Variants in KCNIP4 observed in about 807,000 individuals in gnomAD.
The protein encoded by KCNIP4 is Kv channel-interacting protein 4.
Under a neutral mutation model 34.0 loss-of-function variants are expected in KCNIP4, and 12 were observed. That is an observed-to-expected ratio of 0.35 (90% confidence interval 0.23 to 0.57). The LOEUF (loss-of-function observed/expected upper bound fraction) is 0.57, where lower values mean the gene tolerates loss of function less well. KCNIP4 is among the 20% of genes least tolerant of loss of function. The pLI is 0.83. For missense variants in KCNIP4, 238 were observed against 311.7 expected (o/e 0.76, Z 1.78); for synonymous variants, 124 against 102.2 (o/e 1.21, Z -1.29).
At chr4:21,353,542 AT>A (rs1718245009) in intron 1 of KCNIP4, among the ~76,000 whole-genome samples, 1 of 152,198 alleles carries the variant, frequency 6.6e-6, no homozygotes, top group Non-Finnish European at 1.5e-5. Flanking sequence ...GGAAGAAAGG[AT>A]ATCAGTGATT....
At chr4:21,349,544 T>C (rs1181724941) in intron 1 of KCNIP4, among the ~76,000 whole-genome samples, 1 of 152,154 alleles carries the variant, frequency 6.6e-6, no homozygotes, top group African/African-American at 2.4e-5. Context: ...AAAATTGAGA[T>C]GAGGAATCTC....
chr4:21,798,512 G>GAA (rs3052679), intron 1 of KCNIP4, among the ~76,000 whole-genome samples: 10 of 102,544 alleles, frequency 9.8e-5, no homozygotes, highest in African/African-American at 3.4e-4. Flanking sequence ...AAGACCCTGG[G>GAA]AAAAAAAAAA....
At chr4:21,419,546 C>T (rs1290716808) in intron 1 of KCNIP4, among the ~76,000 whole-genome samples, 1 of 152,022 alleles carries the variant, frequency 6.6e-6, no homozygotes, top group Non-Finnish European at 1.5e-5. Context: ...TAATATCTAT[C>T]TTAAAATAAC....
At chr4:21,925,917 T>A (rs575364922) in intron 1 of KCNIP4, among the ~76,000 whole-genome samples, 1 of 152,254 alleles carries the variant, frequency 6.6e-6, no homozygotes, top group Admixed American at 6.5e-5. Context: ...TGGAGCCCCA[T>A]TTTTGCTTAC....
intron 1 of KCNIP4, among the ~76,000 whole-genome samples, chr4:21,076,829 A>G (rs916520733): frequency 6.6e-6 from 1 of 152,158 alleles, no homozygotes; most frequent in African/African-American, 2.4e-5. Flanking sequence ...TTGCTTAAAA[A>G]GAAGTGTTGG....
chr4:20,837,683 TATA>T (rs373347734), intron 3 of KCNIP4, among the ~76,000 whole-genome samples: 20,849 of 103,164 alleles, frequency 0.2, 1,738 homozygotes, highest in South Asian at 0.4. Context: ...TATATATATA[TATA>T]TTTTTTTTTC....
intron 2 of KCNIP4, among the ~76,000 whole-genome samples, chr4:20,860,887 A>T (rs544746442): frequency 1.3e-5 from 2 of 152,246 alleles, no homozygotes; most frequent in South Asian, 2.1e-4. Flanking sequence ...CAGGACAAAG[A>T]AAAAGCTGCC....
chr4:21,481,625 A>G (rs35032154), intron 1 of KCNIP4, among the ~76,000 whole-genome samples: 19,008 of 152,180 alleles, frequency 0.12, 1,354 homozygotes, highest in South Asian at 0.21. Context: ...AAAACAATTG[A>G]ATGTGTTAAA....
intron 1 of KCNIP4, among the ~76,000 whole-genome samples, chr4:21,199,259 G>A (rs149454445): frequency 0.066 from 10,018 of 152,068 alleles, 389 homozygotes; most frequent in East Asian, 0.15. Flanking sequence ...TTTAATGATC[G>A]CCATTCTAAC....
chr4:21,400,538 CT>C (rs1560369344), intron 1 of KCNIP4, among the ~76,000 whole-genome samples: 8 of 90,800 alleles, frequency 8.8e-5, no homozygotes, highest in African/African-American at 3.9e-4. Context: ...CTCTTCTCTT[CT>C]CTTCTCTTCT....
chr4:21,896,124 C>G (rs927121214), intron 1 of KCNIP4, among the ~76,000 whole-genome samples: 10 of 152,130 alleles, frequency 6.6e-5, no homozygotes, highest in Admixed American at 2.0e-4. Flanking sequence ...TCCTTACAAC[C>G]TCTCTATGCG....
At chr4:20,753,731 C>T (rs2149349471) in intron 4 of KCNIP4, among the ~76,000 whole-genome samples, 1 of 152,218 alleles carries the variant, frequency 6.6e-6, no homozygotes, top group African/African-American at 2.4e-5. Context: ...TGTAAATCAC[C>T]CTGAAAATTG....
intron 1 of KCNIP4, among the ~76,000 whole-genome samples, chr4:21,070,404 T>C (rs1454020558): frequency 1.3e-5 from 2 of 150,584 alleles, no homozygotes; most frequent in Admixed American, 6.6e-5. Context: ...TTTTTTAAAG[T>C]GTCCAACTAG....
chr4:20,938,951 C>A (rs2149614761), intron 1 of KCNIP4, among the ~76,000 whole-genome samples: 1 of 152,266 alleles, frequency 6.6e-6, no homozygotes, highest in South Asian at 2.1e-4. Context: ...ATTCACTATG[C>A]AGCCAACTAA....
chr4:21,725,621 G>C (rs1413675132), intron 1 of KCNIP4, among the ~76,000 whole-genome samples: 8 of 152,062 alleles, frequency 5.3e-5, no homozygotes, highest in Admixed American at 6.6e-5. Context: ...TGAAGCAAAT[G>C]ACCTTATTAT....
At chr4:21,703,908 G>A (rs980313528) in intron 1 of KCNIP4, among the ~76,000 whole-genome samples, 1 of 152,144 alleles carries the variant, frequency 6.6e-6, no homozygotes, top group Non-Finnish European at 1.5e-5. Flanking sequence ...TTGAAATCAG[G>A]TAGAATGACT....
intron 1 of KCNIP4, among the ~76,000 whole-genome samples, chr4:21,525,070 G>A (rs1283005055): frequency 3.9e-5 from 6 of 151,924 alleles, no homozygotes; most frequent in Non-Finnish European, 8.8e-5. Context: ...TGCTTTATTT[G>A]ACAAATAATA....
chr4:21,022,246 C>T (rs1740139466), intron 1 of KCNIP4, among the ~76,000 whole-genome samples: 1 of 152,152 alleles, frequency 6.6e-6, no homozygotes, highest in Admixed American at 6.5e-5. Context: ...TTATGACACT[C>T]CTGACCATAG....
At chr4:21,376,813 C>T (rs1332540242) in intron 1 of KCNIP4, among the ~76,000 whole-genome samples, 1 of 152,130 alleles carries the variant, frequency 6.6e-6, no homozygotes, top group African/African-American at 2.4e-5. Context: ...GCACCCAATA[C>T]AAAACCATGA....
Sources: allele counts gnomAD v4.1 joint callset (sites outside exome capture counted in the v4.1 genomes callset), GRCh38; gene constraint gnomAD v4.1.1; transcripts MANE v1.5; gene names NCBI Gene and HGNC (gene_info 2026-07-23, HGNC 2026-07-21).